The following GRHL3 variants were observed in gnomAD, a reference collection of about 807,000 sequenced individuals.
The protein encoded by GRHL3 is grainyhead like transcription factor 3, also known as grainyhead-like protein 3 homolog.
In GRHL3, 20 loss-of-function variants were observed where a neutral mutation model predicts 70.3. That is an observed-to-expected ratio of 0.28 (90% CI 0.20 to 0.41). GRHL3 has a LOEUF of 0.41. Ranked by LOEUF, GRHL3 falls within the 10% of genes least tolerant of loss-of-function variation. The pLI, the probability that GRHL3 is intolerant of heterozygous loss-of-function variation, is 1.00. For synonymous variants in GRHL3, 299 were observed against 299.9 expected, an observed-to-expected ratio of 1.00 and a Z score of 0.03; for missense variants, 637 against 762.3, an observed-to-expected ratio of 0.84 and a Z score of 1.94.
chr1:24,325,113 G>A (rs1229019130), intron 1 of GRHL3, among the ~76,000 whole-genome samples: 2 of 152,170 alleles, frequency 1.3e-5, no homozygotes, highest in African/African-American at 4.8e-5. Flanking sequence ...CTGTTAATGA[G>A]GTTGGGTGGC....
At position 24,345,829 on chromosome 1, in the gene GRHL3, C is replaced by T. The variant is rs114227345; in HGVS notation, c.1455-724C>T. On this transcript the variant is annotated intron_variant, in intron 12 of 15. Coordinates refer to ENST00000361548, the MANE Select transcript of GRHL3 (RefSeq NM_198173.3). ...AACAGCCTCGAGAGGGTGAGGAGGG[C>T]GGTGTGGATATGGAATCTTCGTAAG... Among the ~76,000 whole-genome samples the T allele has an allele frequency of 4.0e-3, 602 of 152,274 alleles. 4 individuals are homozygous for T. Among genetic ancestry groups the T allele is most frequent in the African/African-American group, 0.014 (569 of 41,538 alleles).
chr1:24,326,615 C>T (rs2148648092), intron 1 of GRHL3, among the ~76,000 whole-genome samples: 1 of 152,270 alleles, frequency 6.6e-6, no homozygotes, highest in South Asian at 2.1e-4. Flanking sequence ...ATCTTATTCT[C>T]CCAGGACAGG....
At position 24,342,520 on chromosome 1, in the gene GRHL3, G is replaced by A. The variant is rs1472844686; in HGVS notation, c.1207-174G>A. ...AGTGACCTCAGGCAAGCAGGGCCAG[G>A]CCCCACTGGCCAGGCTGGGCCAGGT... On this transcript the variant is annotated intron_variant, in intron 9 of 15. Coordinates refer to ENST00000361548, the MANE Select transcript of GRHL3 (RefSeq NM_198173.3). The surrounding 1 kb of genome is among the most constrained non-coding windows in gnomAD (Gnocchi z 4.8). 6.6e-6 allele frequency among the ~76,000 whole-genome samples: 1 copy of A among 152,178 alleles called. No individual in the cohort carries two copies. The highest frequency in any genetic ancestry group is 1.5e-5 in the Non-Finnish European group (1 of 68,042).
rs1640647300 is a variant in GRHL3 at position 24,354,663 on chromosome 1, G to GACCCCTGGCCTGGA, written c.*175_*176insACCCCTGGCCTGGA. On this transcript the variant is annotated 3_prime_UTR_variant, in exon 16 of 16. Coordinates refer to ENST00000361548, the MANE Select transcript of GRHL3 (RefSeq NM_198173.3). Reference sequence around the variant, plus strand: ...TCAGGGCCAGGGAGAGACCTAGGGGGTCCCCTGGCCTGGATCCCCATGGTA... The same window carrying GACCCCTGGCCTGGA: ...TCAGGGCCAGGGAGAGACCTAGGGGGACCCCTGGCCTGGATCCCCTGGCCTGGATCCCCATGGTA... 1 of 551,364 alleles carries GACCCCTGGCCTGGA rather than the reference G, an allele frequency of 1.8e-6. No individual in the cohort carries two copies. Among genetic ancestry groups the GACCCCTGGCCTGGA allele is most frequent in the Non-Finnish European group, 3.3e-6 (1 of 307,090 alleles). The allele number at this position is 551,364 out of a possible 1,614,324, so 34.2% of individuals were successfully genotyped here. A position where few individuals can be genotyped will look rare whatever the true frequency, so the allele number is the denominator to read the frequency against.
At chr1:24,323,522 C>T (rs1639283907) in intron 1 of GRHL3, among the ~76,000 whole-genome samples, 1 of 152,190 alleles carries the variant, frequency 6.6e-6, no homozygotes, top group Non-Finnish European at 1.5e-5. Flanking sequence ...CAAGATCACA[C>T]CTGTGTTTTA....
chr1:24,322,898 G>T lies in GRHL3; in HGVS notation c.17+3330G>T. 1.7e-6 allele frequency: 1 copy of T among 592,210 alleles called. No individual in the cohort carries two copies. Among genetic ancestry groups the T allele is most frequent in the African/African-American group, 1.9e-5 (1 of 53,736 alleles). The allele number at this position is 592,210 out of a possible 1,614,324, so 36.7% of individuals were successfully genotyped here. On this transcript the variant is annotated intron_variant, in intron 1 of 15. Coordinates refer to ENST00000361548, the MANE Select transcript of GRHL3 (RefSeq NM_198173.3). The surrounding 1 kb of genome is among the most constrained non-coding windows in gnomAD (Gnocchi z 4.4). Reference sequence around the variant, plus strand: ...ACTAATGCGGGATGGGAGTGTAAATGCAGTTTTGCCGAAGAGGGGACCCAG... The same window carrying T: ...ACTAATGCGGGATGGGAGTGTAAATTCAGTTTTGCCGAAGAGGGGACCCAG...
chr1:24,321,331 C>A lies in GRHL3; in HGVS notation c.17+1763C>A, dbSNP rs911776893. Among the ~76,000 whole-genome samples, 4 of 152,194 alleles carry A rather than the reference C, an allele frequency of 2.6e-5. No homozygotes were observed. The highest frequency in any genetic ancestry group is 9.7e-5 in the African/African-American group (4 of 41,442). ...TGCCTGCTGAGTAATTGCAGGCGGA[C>A]TCCAAGCCACCATTTGAGATTACAG... is the stretch of plus-strand genomic sequence containing the variant. On this transcript the variant is annotated intron_variant, in intron 1 of 15. Transcript: ENST00000361548. This position sits in a 1 kb window ranked among gnomAD's most constrained non-coding sequence, Gnocchi z 4.0.
At chr1:24,346,429 TC>T (rs1640286919) in intron 12 of GRHL3, 123 bp from the exon 13 acceptor site, 1 of 640,068 alleles carries the variant, frequency 1.6e-6, no homozygotes. Flanking sequence ...CCACTGTCCC[TC>T]TGCTTTGCAT....
intron 1 of GRHL3, among the ~76,000 whole-genome samples, chr1:24,329,416 A>C (rs1188051900): frequency 6.6e-6 from 1 of 152,220 alleles, no homozygotes; most frequent in Non-Finnish European, 1.5e-5. Context: ...ACTGTGCCAC[A>C]GTTTTACCAC....
chr1:24,362,063 G>T (rs1326445804), intron 15 of GRHL3, among the ~76,000 whole-genome samples: 1 of 152,134 alleles, frequency 6.6e-6, no homozygotes, highest in Non-Finnish European at 1.5e-5. Flanking sequence ...GGGAGAGGAG[G>T]TTCTCCGCAC....
chr1:24,349,403 G>C (rs570783781), intron 14 of GRHL3, among the ~76,000 whole-genome samples: 2 of 152,370 alleles, frequency 1.3e-5, no homozygotes, highest in East Asian at 1.9e-4. Flanking sequence ...GGCCTAAAAG[G>C]GGGAGATGTC....
rs1334115448 is a variant in GRHL3, at chr1:24,331,522, C to G, written c.114C>G (p.Asn38Lys). 1.9e-6 allele frequency: 3 copies of G among 1,614,058 alleles called. No homozygotes were observed. Among genetic ancestry groups the G allele is most frequent in the African/African-American group, 2.7e-5 (2 of 74,926 alleles). The change falls in exon 2 of 16, where the codon AAC (asparagine) becomes AAG (lysine). Residue 38 changes from asparagine (N) to lysine (K), a missense_variant. By Grantham distance (94) the Asn-to-Lys change is moderately conservative. Transcript: ENST00000361548. Reference protein sequence around the residue: ...EDEAWKTYLENPLTAATKAMM... With the variant: ...EDEAWKTYLEKPLTAATKAMM... ...AGGCCTGGAAGACGTACCTAGAAAA[C>G]CCGTTGACAGCTGCCACAAAGGCCA...
intron 11 of GRHL3, 142 bp downstream of exon 11, chr1:24,343,167 C>G (rs1052963174): frequency 1.6e-5 from 14 of 848,600 alleles, no homozygotes; most frequent in Non-Finnish European, 2.6e-5. Context: ...GGGGTTTAAA[C>G]ATGTATATAT....
At chr1:24,340,737 G>A (rs1487273500) in intron 8 of GRHL3, among the ~76,000 whole-genome samples, 4 of 152,224 alleles carry the variant, frequency 2.6e-5, no homozygotes, top group Non-Finnish European at 5.9e-5. Context: ...GCCTGGAGAA[G>A]ATGGAGGTGC....
At chr1:24,358,645 C>T (rs775524801), downstream of GRHL3, 22 of 1,582,940 alleles carry the variant, frequency 1.4e-5, no homozygotes, top group Non-Finnish European at 1.9e-5. Context: ...GAGGCGGAGG[C>T]ATTAAGAGAG....
At chr1:24,329,915 G>A (rs1304477196) in intron 1 of GRHL3, among the ~76,000 whole-genome samples, 1 of 152,144 alleles carries the variant, frequency 6.6e-6, no homozygotes, top group Non-Finnish European at 1.5e-5. Flanking sequence ...TTGTGGTTAA[G>A]AGCATGTGCA....
chr1:24,357,527 C>T (rs74060307), downstream of GRHL3: 252 of 153,500 alleles, frequency 1.6e-3, no homozygotes, highest in African/African-American at 5.7e-3. Context: ...TTTAAAGTCC[C>T]CAGGTGATTA....
chr1:24,340,239 T>C (rs1290528783), intron 8 of GRHL3, among the ~76,000 whole-genome samples: 1 of 152,146 alleles, frequency 6.6e-6, no homozygotes. Flanking sequence ...CAGCGCAGAA[T>C]GTCGCATGCA....
rs1639164360 is a variant in GRHL3 at position 24,321,096 on chromosome 1, G to A, written c.17+1528G>A. ...AACGCGCAAAAAAATCTTGACATGT[G>A]TCTCCATCCCACTTAAATTTGCTGG... On this transcript the variant is annotated intron_variant, in intron 1 of 15. Transcript: ENST00000361548. The surrounding 1 kb of genome is among the most constrained non-coding windows in gnomAD (Gnocchi z 4.0). 6.6e-6 allele frequency among the ~76,000 whole-genome samples: 1 copy of A among 152,260 alleles called. No homozygotes were observed. Among genetic ancestry groups the A allele is most frequent in the South Asian group, 2.1e-4 (1 of 4,828 alleles).
Sources: gnomAD v4.1 joint callset for allele counts (sites outside exome capture counted in the v4.1 genomes callset) on GRCh38, gnomAD v4.1.1 for gene constraint, Gnocchi (gnomAD v3.1) non-coding constraint, MANE v1.5 for transcripts, NCBI Gene and HGNC (gene_info 2026-07-23, HGNC 2026-07-21) for gene names.